Variants in FGFR2 observed in about 807,000 individuals in gnomAD.
The protein encoded by FGFR2 is fibroblast growth factor receptor 2, also known as BEK fibroblast growth factor receptor.
In FGFR2, 19 loss-of-function variants were observed where a neutral mutation model predicts 95.9. The observed-to-expected ratio is 0.20, with a 90% CI of 0.14 to 0.29. FGFR2 has a LOEUF of 0.29. FGFR2 is among the 10% of genes least tolerant of loss of function. The pLI, the probability that FGFR2 is intolerant of heterozygous loss-of-function variation, is 1.00. For synonymous variants in FGFR2, 392 were observed against 393.3 expected (o/e 1.00, Z 0.04); for missense variants, 707 against 1,056.9 (o/e 0.67, Z 4.59).
At chr10:121,559,293 G>T (rs1240471561) in intron 4 of FGFR2, among the ~76,000 whole-genome samples, 1 of 152,142 alleles carries the variant, frequency 6.6e-6, no homozygotes, top group Non-Finnish European at 1.5e-5. Flanking sequence ...TTTCCAGGTG[G>T]CTGAAAATAC....
chr10:121,519,915 C>G (rs763827413), intron 7 of FGFR2, 64 bp downstream of exon 7: 13 of 1,514,438 alleles, frequency 8.6e-6, no homozygotes, highest in Non-Finnish European at 1.1e-5. Context: ...AATCAAAGAA[C>G]CTGTGGCCAA....
intron 17 of FGFR2, among the ~76,000 whole-genome samples, chr10:121,481,525 CAACTGGA>C (rs1844682372): frequency 6.6e-6 from 1 of 152,116 alleles, no homozygotes; most frequent in South Asian, 2.1e-4. Flanking sequence ...ATTAACCACA[CAACTGGA>C]AACAAACACG....
chr10:121,530,968 C>T (rs183507626), intron 6 of FGFR2, among the ~76,000 whole-genome samples: 9 of 152,288 alleles, frequency 5.9e-5, no homozygotes, highest in African/African-American at 2.2e-4. Flanking sequence ...TTACATAAAA[C>T]TGTAAGATAT....
chr10:121,503,971 A>T, intron 9 of FGFR2, 30 bp from the exon 10 acceptor site: 2 of 1,613,336 alleles, frequency 1.2e-6, no homozygotes, highest in Non-Finnish European at 1.7e-6. Context: ...ACACAGATGT[A>T]ATCCTGGCTC....
intron 9 of FGFR2, among the ~76,000 whole-genome samples, chr10:121,506,385 G>C (rs1039104983): frequency 1.4e-5 from 2 of 145,180 alleles, no homozygotes; most frequent in Non-Finnish European, 3.0e-5. Flanking sequence ...AAGAGGCCTA[G>C]CAATGGGACG....
intron 6 of FGFR2, among the ~76,000 whole-genome samples, chr10:121,524,744 G>A (rs1230968885): frequency 6.6e-6 from 1 of 152,208 alleles, no homozygotes; most frequent in African/African-American, 2.4e-5. Context: ...GCAGAGTGGG[G>A]GCCCCCTTCG....
intron 4 of FGFR2, among the ~76,000 whole-genome samples, chr10:121,553,783 A>G (rs1855724582): frequency 6.6e-6 from 1 of 152,154 alleles, no homozygotes; most frequent in African/African-American, 2.4e-5. Context: ...CTTACATACC[A>G]TTAGGCATGA....
At chr10:121,591,671 T>A (rs1299183779) in intron 2 of FGFR2, among the ~76,000 whole-genome samples, 3 of 152,218 alleles carry the variant, frequency 2.0e-5, no homozygotes, top group Non-Finnish European at 4.4e-5. Context: ...ACATCTTTTC[T>A]TTTCCATCTC....
At chr10:121,545,750 G>T (rs1236036615) in intron 5 of FGFR2, among the ~76,000 whole-genome samples, 1 of 152,164 alleles carries the variant, frequency 6.6e-6, no homozygotes, top group Non-Finnish European at 1.5e-5. Context: ...AACTAACCTA[G>T]AAAATGTAAA....
Position 121,483,645 on chromosome 10 carries a change from G to C in FGFR2, c.2301+53C>G, listed in dbSNP as rs952881522. The C allele has an allele frequency of 5.7e-5, 73 of 1,274,684 alleles. 1 individual carries two copies. In the South Asian group the frequency reaches 7.8e-4, roughly 14 times the overall value. 79.0% of individuals were successfully genotyped at this position (1,274,684 alleles called of 1,614,324 possible). A position where few individuals can be genotyped will look rare whatever the true frequency, so the allele number is the denominator to read the frequency against. Reference sequence around the variant, plus strand: ...GGGGAGTGTGTGTGTAAAACACTACGCATGTCTCACAAGACAACCAAGGAC... The same window carrying C: ...GGGGAGTGTGTGTGTAAAACACTACCCATGTCTCACAAGACAACCAAGGAC... On this transcript the variant is annotated intron_variant, in intron 17 of 17. Coordinates refer to ENST00000358487, the MANE Select transcript of FGFR2 (RefSeq NM_000141.5).
chr10:121,566,091 T>C (rs570790401), intron 2 of FGFR2, among the ~76,000 whole-genome samples: 1 of 152,384 alleles, frequency 6.6e-6, no homozygotes, highest in African/African-American at 2.4e-5. Flanking sequence ...TTTACACATT[T>C]GTACGTGAAA....
At chr10:121,577,770 G>A (rs1326472976) in intron 2 of FGFR2, among the ~76,000 whole-genome samples, 2 of 151,976 alleles carry the variant, frequency 1.3e-5, no homozygotes, top group Admixed American at 6.6e-5. Context: ...CCTGCTTGTA[G>A]GTTCATATTT....
chr10:121,516,251 A>G (rs1435446816), intron 8 of FGFR2, among the ~76,000 whole-genome samples: 1 of 152,248 alleles, frequency 6.6e-6, no homozygotes, highest in African/African-American at 2.4e-5. Flanking sequence ...GTTAGGCACC[A>G]CAGAATGCAG....
intron 6 of FGFR2, among the ~76,000 whole-genome samples, chr10:121,527,404 T>C (rs989797780): frequency 6.6e-6 from 1 of 152,204 alleles, no homozygotes; most frequent in Non-Finnish European, 1.5e-5. Context: ...AGAGAGTTAT[T>C]ATGCCAAATT....
chr10:121,537,331 A>G (rs894148680), intron 6 of FGFR2, among the ~76,000 whole-genome samples: 9 of 152,368 alleles, frequency 5.9e-5, no homozygotes, highest in Middle Eastern at 3.4e-3. Context: ...TCTAAGGCAG[A>G]GTGTCTCGTA....
rs1589960580 is a variant in FGFR2 at position 121,552,632 on chromosome 10, C to T, written c.455-1173G>A. On this transcript the variant is annotated intron_variant, in intron 4 of 17. Transcript: ENST00000358487. Reference sequence around the variant, plus strand: ...CCACGAGGTTGGAATCCGTACCTTCCACCAATCTGATGTTTAAGGCTGAAG... The same window carrying T: ...CCACGAGGTTGGAATCCGTACCTTCTACCAATCTGATGTTTAAGGCTGAAG... Among the ~76,000 whole-genome samples the T allele has an allele frequency of 2.6e-5, 4 of 152,346 alleles. No individual in the cohort carries two copies. The South Asian group carries it at 8.3e-4, about 32-fold the overall frequency.
chr10:121,565,810 T>A lies in FGFR2; in HGVS notation c.110-106A>T, dbSNP rs1445222630. 2.8e-6 allele frequency: 4 copies of A among 1,410,338 alleles called. No individual in the cohort carries two copies. In the African/African-American group the frequency reaches 5.7e-5, roughly 20 times the overall value. The allele number at this position is 1,410,338 out of a possible 1,614,324, so 87.4% of individuals were successfully genotyped here. A position where few individuals can be genotyped will look rare whatever the true frequency, so the allele number is the denominator to read the frequency against. ...GCCTGCTTATTCCCAGGAGAAGCTGTTCTTGCTCTGCAAATGGCCCCAGCA... is the reference window on the plus strand; with the variant it reads ...GCCTGCTTATTCCCAGGAGAAGCTGATCTTGCTCTGCAAATGGCCCCAGCA... On this transcript the variant is annotated intron_variant, in intron 2 of 17. Coordinates refer to ENST00000358487, the MANE Select transcript of FGFR2 (RefSeq NM_000141.5).
At position 121,582,640 on chromosome 10, in the gene FGFR2, G is replaced by A. The variant is rs775309233; in HGVS notation, c.109+11069C>T. Among the ~76,000 whole-genome samples the A allele has an allele frequency of 2.6e-5, 4 of 152,016 alleles. No homozygotes were observed. The South Asian group carries it at 6.2e-4, about 24-fold the overall frequency. On this transcript the variant is annotated intron_variant, in intron 2 of 17. Coordinates refer to ENST00000358487, the MANE Select transcript of FGFR2 (RefSeq NM_000141.5). ...AGCTCTACTAAAAATACAATTAGCC[G>A]GGCGTGGTGGTGCACATCTGTAATC...
intron 2 of FGFR2, among the ~76,000 whole-genome samples, chr10:121,591,748 A>G (rs1275617648): frequency 6.6e-6 from 1 of 152,208 alleles, no homozygotes; most frequent in East Asian, 1.9e-4. Context: ...GCACAAAAGG[A>G]CATTAACAAA....
Sources: allele counts gnomAD v4.1 joint callset (sites outside exome capture counted in the v4.1 genomes callset), GRCh38; gene constraint gnomAD v4.1.1; transcripts MANE v1.5; gene names NCBI Gene and HGNC (gene_info 2026-07-23, HGNC 2026-07-21).